PHLDB3: variants seen among roughly 807,000 people sequenced by gnomAD.
The protein encoded by PHLDB3 is pleckstrin homology-like domain family B member 3.
Under a neutral mutation model 85.7 loss-of-function variants are expected in PHLDB3, and 86 were observed. That is an observed-to-expected ratio of 1.00 (90% CI 0.84 to 1.20). The LOEUF is 1.20. Ranked by LOEUF, PHLDB3 falls within the 50% of genes most tolerant of loss-of-function variation. PHLDB3 has a pLI of 0.00. For missense variants in PHLDB3, 995 were observed against 873.0 expected (o/e 1.14, Z -1.76); for synonymous variants, 376 against 349.8 (o/e 1.07, Z -0.83).
chr19:43,502,614 CTTTTTTTTTTTT>C (rs71336869), intron 2 of PHLDB3, among the ~76,000 whole-genome samples: 1 of 114,796 alleles, frequency 8.7e-6, no homozygotes, highest in African/African-American at 3.5e-5. Context: ...ACGCCAAGCT[CTTTTTTTTTTTT>C]TTTTTTTTTG....
Position 43,504,055 on chromosome 19 carries a change from C to T in PHLDB3, c.64G>A (p.Glu22Lys). 1.9e-6 allele frequency: 3 copies of T among 1,613,722 alleles called. No homozygotes were observed. Among genetic ancestry groups the T allele is most frequent in the Non-Finnish European group, 8.5e-7 (1 of 1,179,764 alleles). Residue 22 changes from glutamate to lysine, a missense_variant, in exon 2 of 16, where the codon GAG becomes AAG. Coordinates refer to ENST00000292140, the MANE Select transcript of PHLDB3 (RefSeq NM_198850.4). ...TCGGGATGGCCCTGGGGCTGGACCT[C>T]CACGTCGCATTCCGGGACCAGCGGC... ...PPPLVPECDV[E>K]VQPQGHPEES...
chr19:43,498,813 A>G (rs1290334677), intron 4 of PHLDB3, among the ~76,000 whole-genome samples: 1 of 152,212 alleles, frequency 6.6e-6, no homozygotes, highest in Middle Eastern at 3.2e-3. Context: ...AAAAGGAGCT[A>G]GAAGAGCATT....
chr19:43,503,201 T>C (rs1032334015), intron 2 of PHLDB3, among the ~76,000 whole-genome samples: 1 of 152,166 alleles, frequency 6.6e-6, no homozygotes, highest in Non-Finnish European at 1.5e-5. Flanking sequence ...TCTGGGTCTC[T>C]GTCTGGCTTC....
rs1485358817 is a variant in PHLDB3, at chr19:43,501,816, G to C, written c.452C>G (p.Ala151Gly). 1 of 1,588,228 alleles carries C rather than the reference G, an allele frequency of 6.3e-7. No individual in the cohort carries two copies. Among genetic ancestry groups the C allele is most frequent in the East Asian group, 2.3e-5 (1 of 43,196 alleles). ...RGELAGERVA[A>G]RREEEQLREL... is the part of the protein sequence containing the mutation. Reference sequence around the variant, plus strand: ...CCGCAGCTGCTCCTCCTCCCGGCGAGCGGCCACTCGCTCCCCAGCCAGCTC... The same window carrying C: ...CCGCAGCTGCTCCTCCTCCCGGCGACCGGCCACTCGCTCCCCAGCCAGCTC... The change falls in exon 4 of 16, where the codon GCT becomes GGT. Residue 151 changes from alanine (A) to glycine (G), a missense_variant. Transcript: ENST00000292140.
At chr19:43,487,867 C>G (rs1425338896) in intron 9 of PHLDB3, among the ~76,000 whole-genome samples, 1 of 151,948 alleles carries the variant, frequency 6.6e-6, no homozygotes, top group South Asian at 2.1e-4. Context: ...AAAAATCCCA[C>G]TGTGGGCCAG....
At chr19:43,479,616 A>C (rs1022590865) in intron 13 of PHLDB3, 23 bp from the exon 14 acceptor site, 2 of 1,480,372 alleles carry the variant, frequency 1.4e-6, no homozygotes, top group African/African-American at 2.8e-5. Context: ...GAGACGGGGC[A>C]GCTGATGTAA....
At position 43,495,319 on chromosome 19, in the gene PHLDB3, C is replaced by T. The variant is rs1396252434; in HGVS notation, c.972G>A (p.Glu324=). The change falls in exon 8 of 16, where the codon GAG becomes GAA. Residue 324 remains glutamate, a synonymous_variant. Coordinates refer to ENST00000292140, the MANE Select transcript of PHLDB3 (RefSeq NM_198850.4). The stretch of plus-strand genomic sequence containing the variant: ...CAGGTGTTCCCTGAAGGCAATTGAG[C>T]TCGAGCAGCCGGCTCCGTTCCTACC... The part of the protein sequence containing the change: ...ALSQERSRLL[E]LNCLQGTPGG... 1.9e-6 allele frequency: 3 copies of T among 1,613,502 alleles called. No homozygotes were observed. The highest frequency in any genetic ancestry group is 2.5e-6 in the Non-Finnish European group (3 of 1,179,746).
chr19:43,492,185 T>C (rs946301273), intron 9 of PHLDB3, among the ~76,000 whole-genome samples: 6 of 151,900 alleles, frequency 3.9e-5, no homozygotes, highest in African/African-American at 1.2e-4. Context: ...ACTCCTGACC[T>C]CGTGCTCCGC....
Position 43,497,743 on chromosome 19 carries a change from A to G in PHLDB3, c.663+5T>C, listed in dbSNP as rs373506906. The G allele has an allele frequency of 8.0e-4, 1,239 of 1,551,242 alleles. 9 individuals carry two copies. In the African/African-American group the frequency reaches 0.015, roughly 19 times the overall value. On this transcript the variant is annotated splice_donor_5th_base_variant and intron_variant, in intron 5 of 15. Coordinates refer to ENST00000292140, the MANE Select transcript of PHLDB3 (RefSeq NM_198850.4). ...AACAAAAAAGAAAGAACCAGATGCC[A>G]TTACCTCCTGCACACCCTGCAGAAG...
intron 9 of PHLDB3, among the ~76,000 whole-genome samples, chr19:43,487,574 C>CA (rs760708749): frequency 0.13 from 4,864 of 38,446 alleles, 591 homozygotes; most frequent in East Asian, 0.31. Context: ...GACTCTGTCT[C>CA]AAAAAAAAAA....
At chr19:43,497,579 G>C (rs1391174805) in intron 5 of PHLDB3, among the ~76,000 whole-genome samples, 169 bp downstream of exon 5, 2 of 152,152 alleles carry the variant, frequency 1.3e-5, no homozygotes, top group Admixed American at 6.6e-5. Context: ...GGGTGTGGTG[G>C]TGCGCACCTG....
intron 13 of PHLDB3, among the ~76,000 whole-genome samples, chr19:43,480,058 T>C (rs1034679396): frequency 2.6e-5 from 4 of 151,098 alleles, no homozygotes; most frequent in Non-Finnish European, 5.9e-5. Context: ...CCCTTAGGCC[T>C]AAGAATTCAA....
At chr19:43,491,630 T>C (rs923709183) in intron 9 of PHLDB3, among the ~76,000 whole-genome samples, 1 of 150,782 alleles carries the variant, frequency 6.6e-6, no homozygotes, top group African/African-American at 2.4e-5. Context: ...GCCTCCCGAG[T>C]AACTGGGATT....
In PHLDB3 at chr19:43,502,168, G is replaced by A; in HGVS notation, c.329C>T (p.Thr110Ile). The change falls in exon 3 of 16, where the codon ACT (threonine) becomes ATT (isoleucine). Residue 110 changes from threonine (T) to isoleucine (I), a missense_variant. Coordinates refer to ENST00000292140, the MANE Select transcript of PHLDB3 (RefSeq NM_198850.4). The part of the protein sequence containing the change: ...RLQGQQLEAL[T>I]RVALMEQRVK... ...TCGCTGCTCCATCAGGGCCACACGA[G>A]TCAATGCCTCCAGCTGCTGTCCTTG... 6.3e-7 allele frequency: 1 copy of A among 1,580,924 alleles called. No homozygotes were observed. Among genetic ancestry groups the A allele is most frequent in the Non-Finnish European group, 8.6e-7 (1 of 1,164,044 alleles).
Position 43,501,863 on chromosome 19 carries a change from C to G in PHLDB3, c.405G>C (p.Val135=), listed in dbSNP as rs1305316900. 6.3e-7 allele frequency: 1 copy of G among 1,592,834 alleles called. No individual in the cohort carries two copies. The change falls in exon 4 of 16, where the codon GTG becomes GTC. Residue 135 remains valine, a synonymous_variant. Transcript: ENST00000292140. ...QRKELRIEME[V]EVALLRGELA... is the part of the protein sequence containing the mutation. ...GCTCACCCCGCAGCAAGGCCACCTC[C>G]ACCTCCATCTGCGGAGAGAATGCCA...
intron 4 of PHLDB3, among the ~76,000 whole-genome samples, chr19:43,500,125 G>C (rs1186346378): frequency 6.6e-6 from 1 of 152,102 alleles, no homozygotes; most frequent in Non-Finnish European, 1.5e-5. Context: ...TGTAATCCCA[G>C]CTACTGGGGA....
In PHLDB3 at chr19:43,479,532, T is replaced by G; in HGVS notation, c.1547A>C (p.Glu516Ala). 1 of 1,284,422 alleles carries G rather than the reference T, an allele frequency of 7.8e-7. No homozygotes were observed. Among genetic ancestry groups the G allele is most frequent in the Non-Finnish European group, 1.0e-6 (1 of 986,632 alleles). 79.6% of individuals were successfully genotyped at this position (1,284,422 alleles called of 1,614,324 possible). Residue 516 changes from glutamate to alanine, a missense_variant, in exon 14 of 16, where the codon GAG becomes GCG. Transcript: ENST00000292140. ...PRILDLRQHLEGWGHNPENCP... is the reference protein window; with the variant it reads ...PRILDLRQHLAGWGHNPENCP... The stretch of plus-strand genomic sequence containing the variant: ...GTTTTCCGGGTTGTGGCCCCATCCC[T>G]CCAGATGCTGCCGGAGATCCAAGAT...
At chr19:43,483,867 A>C (rs1971097166) in intron 13 of PHLDB3, among the ~76,000 whole-genome samples, 1 of 152,228 alleles carries the variant, frequency 6.6e-6, no homozygotes, top group Middle Eastern at 3.2e-3. Context: ...ATGATGGTTC[A>C]GGCCTATAAT....
chr19:43,500,517 G>A (rs73552557), intron 4 of PHLDB3, among the ~76,000 whole-genome samples: 2,833 of 152,234 alleles, frequency 0.019, 71 homozygotes, highest in African/African-American at 0.062. Context: ...TGGGCAAGAC[G>A]TATCAGCCAA....
Sources: gnomAD v4.1 joint callset for allele counts (sites outside exome capture counted in the v4.1 genomes callset) on GRCh38, gnomAD v4.1.1 for gene constraint, MANE v1.5 for transcripts, NCBI Gene and HGNC (gene_info 2026-07-23, HGNC 2026-07-21) for gene names.